Variants in DCAF8L2 observed in about 807,000 individuals in gnomAD.
DCAF8L2 encodes DDB1- and CUL4-associated factor 8-like protein 2.
For missense variants in DCAF8L2, 430 were observed against 490.7 expected, an observed-to-expected ratio of 0.88 and a Z score of 1.17; for synonymous variants, 200 against 190.9, an observed-to-expected ratio of 1.05 and a Z score of -0.39.
intron 1 of DCAF8L2, among the ~76,000 whole-genome samples, chrX:27,610,396 CAT>C (rs1491422700): frequency 9.1e-6 from 1 of 109,500 alleles, no homozygotes; most frequent in Non-Finnish European, 1.9e-5. Context: ...CCTGTGTGTG[CAT>C]GTGTGTGTGT....
At chrX:27,655,215 A>G (rs753930969) in intron 2 of DCAF8L2, among the ~76,000 whole-genome samples, 1 of 112,424 alleles carries the variant, frequency 8.9e-6, no homozygotes, top group East Asian at 2.8e-4. Context: ...TTAAAATAAT[A>G]TGACACTTTA....
the DCAF8L2 span, among the ~76,000 whole-genome samples, chrX:27,528,429 T>C: frequency 9.7e-6 from 1 of 103,449 alleles, no homozygotes; most frequent in Non-Finnish European, 1.9e-5. Context: ...GTTTTACATA[T>C]ATATGTATGT....
chrX:27,617,510 A>G (rs1374589478), intron 1 of DCAF8L2, among the ~76,000 whole-genome samples: 2 of 111,627 alleles, frequency 1.8e-5, no homozygotes, highest in Non-Finnish European at 3.8e-5. Flanking sequence ...ATTTTTACAT[A>G]GTAATCAACC....
At chrX:27,496,658 C>G in the DCAF8L2 span, among the ~76,000 whole-genome samples, 1 of 111,526 alleles carries the variant, frequency 9.0e-6, no homozygotes, top group Non-Finnish European at 1.9e-5. Flanking sequence ...CCCCATCGTC[C>G]CACTTTTTAC....
At chrX:27,734,780 T>C (rs1921425148) in intron 4 of DCAF8L2, among the ~76,000 whole-genome samples, 1 of 111,961 alleles carries the variant, frequency 8.9e-6, no homozygotes, top group Admixed American at 9.5e-5. Context: ...ATGTCCTGTA[T>C]TCCATTTAAA....
At chrX:27,723,637 A>T (rs1294128387) in intron 4 of DCAF8L2, among the ~76,000 whole-genome samples, 1 of 111,111 alleles carries the variant, frequency 9.0e-6, no homozygotes, top group Admixed American at 9.6e-5. Flanking sequence ...AATGGTGCAA[A>T]TCCTATCCAG....
chrX:27,653,231 G>C (rs999057998), intron 2 of DCAF8L2, among the ~76,000 whole-genome samples: 2 of 111,571 alleles, frequency 1.8e-5, no homozygotes, highest in African/African-American at 6.5e-5. Context: ...TGAACAATTT[G>C]ACTGATACAA....
At chrX:27,503,799 C>A in the DCAF8L2 span, among the ~76,000 whole-genome samples, 2 of 111,510 alleles carry the variant, frequency 1.8e-5, no homozygotes. Context: ...TAACTATGTG[C>A]TTGTGGGTTA....
At position 27,598,877 on chromosome X, in the gene DCAF8L2, A is replaced by T. The variant is rs1035153767; in HGVS notation, c.-342+8437A>T. On this transcript the variant is annotated intron_variant, in intron 1 of 4. Coordinates refer to ENST00000451261, the MANE Select transcript of DCAF8L2 (RefSeq NM_001353450.2). ...AAATGAAAGATAAGTGTTGGTAAGG[A>T]TGTGGAGAAAGGAAACACTTGTCTA... Among the ~76,000 whole-genome samples, 5 of 108,869 alleles carry T rather than the reference A, an allele frequency of 4.6e-5. No individual in the cohort carries two copies. The South Asian group carries it at 1.2e-3, about 26-fold the overall frequency. The allele number at this position is 108,869 out of a possible 115,157, so 94.5% of individuals were successfully genotyped here.
intron 4 of DCAF8L2, among the ~76,000 whole-genome samples, chrX:27,744,394 T>A (rs1414907757): frequency 9.0e-6 from 1 of 111,667 alleles, no homozygotes; most frequent in African/African-American, 3.3e-5. Flanking sequence ...TTTTATATTA[T>A]GTAAATTCTT....
At chrX:27,513,179 C>T in the DCAF8L2 span, among the ~76,000 whole-genome samples, 2 of 111,513 alleles carry the variant, frequency 1.8e-5, no homozygotes, top group Non-Finnish European at 3.8e-5. Context: ...TGAAATTGGG[C>T]TGGGCAAGGA....
chrX:27,474,488 A>G, the DCAF8L2 span, among the ~76,000 whole-genome samples: 1 of 111,464 alleles, frequency 9.0e-6, no homozygotes, highest in South Asian at 3.7e-4. Context: ...TGTATCAGGC[A>G]CTAGTAATGT....
the DCAF8L2 span, among the ~76,000 whole-genome samples, chrX:27,498,125 A>G: frequency 8.9e-6 from 1 of 112,475 alleles, no homozygotes; most frequent in Non-Finnish European, 1.9e-5. Flanking sequence ...TGTAAATAGT[A>G]CTGCTATAAA....
In DCAF8L2 at chrX:27,694,472, T is replaced by A. The variant is rs1055242386; in HGVS notation, c.-143+16560T>A. Among the ~76,000 whole-genome samples the A allele has an allele frequency of 4.5e-5, 5 of 111,377 alleles. No individual in the cohort carries two copies. The South Asian group carries it at 1.9e-3, about 42-fold the overall frequency. The stretch of plus-strand genomic sequence containing the variant: ...AATATTAACATTTCTATCAAACTGA[T>A]CTTGTTGGTAGGTAATTAAATCTTA... On this transcript the variant is annotated intron_variant, in intron 3 of 4. Transcript: ENST00000451261.
At chrX:27,477,163 A>G in the DCAF8L2 span, among the ~76,000 whole-genome samples, 1 of 112,747 alleles carries the variant, frequency 8.9e-6, no homozygotes, top group Admixed American at 9.3e-5. Context: ...TTCATTAAGT[A>G]GAATTAAAAT....
At chrX:27,700,904 C>A (rs1208634558) in intron 3 of DCAF8L2, among the ~76,000 whole-genome samples, 1 of 111,452 alleles carries the variant, frequency 9.0e-6, no homozygotes, top group Admixed American at 9.5e-5. Context: ...ATATAAAATT[C>A]TTGGGAAGAA....
the DCAF8L2 span, among the ~76,000 whole-genome samples, chrX:27,533,176 A>AGAGAGAGAGAGAGAGAGAGAGAG: frequency 6.7e-5 from 1 of 14,848 alleles, no homozygotes. Context: ...GAAAGAAAGA[A>AGAGAGAGAGAGAGAGAGAGAGAG]AGAAAGAAAG....
rs989345385 is a variant in DCAF8L2 at position 27,714,018 on chromosome X, G to C, written c.-142-2070G>C. On this transcript the variant is annotated intron_variant, in intron 3 of 4. Transcript: ENST00000451261. ...AGTATGACCCTTATATAGGTAGAAT[G>C]GTAGATGGTGGTGTAGAAGCATATA... is the stretch of plus-strand genomic sequence containing the variant. Among the ~76,000 whole-genome samples the C allele has an allele frequency of 6.3e-5, 7 of 111,243 alleles. No homozygotes were observed. The East Asian group carries it at 1.7e-3, about 27-fold the overall frequency.
chrX:27,485,328 G>T, the DCAF8L2 span, among the ~76,000 whole-genome samples: 1 of 111,477 alleles, frequency 9.0e-6, no homozygotes, highest in Non-Finnish European at 1.9e-5. Flanking sequence ...ATGGCCCTTG[G>T]GTACTGGTGA....
Sources: allele counts gnomAD v4.1 joint callset (sites outside exome capture counted in the v4.1 genomes callset), GRCh38; gene constraint gnomAD v4.1.1; transcripts MANE v1.5; gene names NCBI Gene and HGNC (gene_info 2026-07-23, HGNC 2026-07-21).